SOX5: variants seen among roughly 807,000 people sequenced by gnomAD.
SOX5 encodes SRY-box transcription factor 5, also known as transcription factor SOX-5.
In SOX5, 9 loss-of-function variants were observed where a neutral mutation model predicts 92.0. That is an observed-to-expected ratio of 0.10 (90% CI 0.06 to 0.17). SOX5 has a LOEUF of 0.17. Ranked by LOEUF, SOX5 falls within the 10% of genes least tolerant of loss-of-function variation. The probability of loss-of-function intolerance (pLI) is 1.00; values close to 1 mark genes in which losing one functional copy is unlikely to be tolerated. For missense variants in SOX5, 642 were observed against 944.5 expected (o/e 0.68, Z 4.20); for synonymous variants, 344 against 336.3 (o/e 1.02, Z -0.25).
intron 1 of SOX5, among the ~76,000 whole-genome samples, chr12:24,521,473 A>T (rs1950257327): frequency 1.3e-5 from 2 of 152,260 alleles, no homozygotes; most frequent in African/African-American, 2.4e-5. Flanking sequence ...TAACAGACAT[A>T]GACGGAACTT....
intron 3 of SOX5, among the ~76,000 whole-genome samples, chr12:24,265,303 T>C (rs1280523508): frequency 6.6e-6 from 1 of 152,118 alleles, no homozygotes; most frequent in Non-Finnish European, 1.5e-5. Context: ...TCTTAACATT[T>C]TGGTAAGTTG....
intron 6 of SOX5, among the ~76,000 whole-genome samples, chr12:23,671,976 C>T (rs891093908): frequency 2.0e-5 from 3 of 151,882 alleles, no homozygotes; most frequent in African/African-American, 7.3e-5. Flanking sequence ...ATGAAAGTGA[C>T]TTTGCCAAGC....
At chr12:24,358,914 T>G (rs545097239) in intron 2 of SOX5, among the ~76,000 whole-genome samples, 50 of 152,356 alleles carry the variant, frequency 3.3e-4, no homozygotes, top group Admixed American at 2.5e-3. Flanking sequence ...ACATACATGC[T>G]TCTTCACTAA....
chr12:23,804,696 C>T (rs2095726121), intron 3 of SOX5, among the ~76,000 whole-genome samples: 1 of 151,678 alleles, frequency 6.6e-6, no homozygotes, highest in Admixed American at 6.6e-5. Flanking sequence ...TTCATCCCAA[C>T]TCAATCTCTC....
At chr12:24,290,010 T>C (rs912084863) in intron 2 of SOX5, among the ~76,000 whole-genome samples, 4 of 152,180 alleles carry the variant, frequency 2.6e-5, no homozygotes, top group African/African-American at 9.6e-5. Flanking sequence ...CAAACGCTAA[T>C]ACCTTGTCTA....
intron 9 of SOX5, chr12:23,584,564 A>G (rs1950460353): frequency 1.2e-6 from 2 of 1,610,760 alleles, no homozygotes; most frequent in Non-Finnish European, 1.7e-6. Context: ...CACAGCTCCT[A>G]TGGCACAAAT....
chr12:24,198,088 A>G (rs952097991), intron 4 of SOX5, among the ~76,000 whole-genome samples: 4 of 152,208 alleles, frequency 2.6e-5, no homozygotes, highest in East Asian at 1.9e-4. Context: ...ATTATTTATT[A>G]TTATTAATCT....
chr12:23,692,536 A>G (rs920950537), intron 6 of SOX5, among the ~76,000 whole-genome samples: 5 of 152,178 alleles, frequency 3.3e-5, no homozygotes, highest in African/African-American at 1.2e-4. Context: ...ACATTCTACA[A>G]CAGTTCCTGA....
At chr12:23,991,627 G>A (rs555974569) in intron 4 of SOX5, among the ~76,000 whole-genome samples, 2 of 151,978 alleles carry the variant, frequency 1.3e-5, no homozygotes, top group East Asian at 1.9e-4. Flanking sequence ...GAAATTTATA[G>A]TCAAGATTTT....
chr12:23,665,642 A>G lies in SOX5; in HGVS notation c.811-78T>C. The G allele has an allele frequency of 1.8e-5, 27 of 1,466,786 alleles. No homozygotes were observed. The South Asian group carries it at 3.6e-4, about 20-fold the overall frequency. The allele number at this position is 1,466,786 out of a possible 1,614,324, so 90.9% of individuals were successfully genotyped here. A position where few individuals can be genotyped will look rare whatever the true frequency, so the allele number is the denominator to read the frequency against. On this transcript the variant is annotated intron_variant, in intron 6 of 14. Coordinates refer to ENST00000451604, the MANE Select transcript of SOX5 (RefSeq NM_006940.6). Reference sequence around the variant, plus strand: ...TTCTTCCCACCCTCCTTATTTCATGATAAAAGAAAATCATTTATTCAATTC... The same window carrying G: ...TTCTTCCCACCCTCCTTATTTCATGGTAAAAGAAAATCATTTATTCAATTC...
At chr12:24,461,752 C>T (rs1328851141) in intron 1 of SOX5, among the ~76,000 whole-genome samples, 1 of 152,074 alleles carries the variant, frequency 6.6e-6, no homozygotes, top group African/African-American at 2.4e-5. Context: ...AAAATAAAAA[C>T]CTGTTGTTTT....
At chr12:24,395,634 A>G (rs1239570147) in intron 1 of SOX5, among the ~76,000 whole-genome samples, 18 of 152,240 alleles carry the variant, frequency 1.2e-4, no homozygotes, top group Admixed American at 1.2e-3. Flanking sequence ...ATGCAATATA[A>G]CATTCTCCTC....
At chr12:23,566,596 G>A (rs1050682816) in intron 10 of SOX5, among the ~76,000 whole-genome samples, 7 of 152,156 alleles carry the variant, frequency 4.6e-5, no homozygotes. Context: ...TTTTGGAGCT[G>A]GGCAAGCCCG....
intron 1 of SOX5, among the ~76,000 whole-genome samples, chr12:24,379,832 T>TA (rs35373420): frequency 0.56 from 78,613 of 140,254 alleles, 22,056 homozygotes; most frequent in Non-Finnish European, 0.61. Flanking sequence ...TTTACCACTT[T>TA]AAAAAAAAAA....
At chr12:24,494,676 G>A (rs1010653864) in intron 1 of SOX5, among the ~76,000 whole-genome samples, 2 of 152,052 alleles carry the variant, frequency 1.3e-5, no homozygotes, top group African/African-American at 4.8e-5. Context: ...AGAGTGTAAG[G>A]CATAACATTC....
chr12:24,506,784 C>CATTTTTTT (rs1390448641), intron 1 of SOX5, among the ~76,000 whole-genome samples: 4 of 81,760 alleles, frequency 4.9e-5, no homozygotes, highest in African/African-American at 1.9e-4. Context: ...TCCAAATGGT[C>CATTTTTTT]TTTTTTTTTT....
chr12:24,475,634 C>T (rs1242039614), intron 1 of SOX5, among the ~76,000 whole-genome samples: 1 of 152,142 alleles, frequency 6.6e-6, no homozygotes, highest in East Asian at 1.9e-4. Flanking sequence ...TCATAAAGTA[C>T]AGAAATTGAT....
chr12:24,534,436 T>G (rs572847875), intron 1 of SOX5, among the ~76,000 whole-genome samples: 1 of 152,280 alleles, frequency 6.6e-6, no homozygotes, highest in African/African-American at 2.4e-5. Flanking sequence ...CTAAAAGCAT[T>G]CTTTAAGAAA....
intron 2 of SOX5, among the ~76,000 whole-genome samples, chr12:24,309,043 T>G (rs989676079): frequency 6.6e-6 from 1 of 152,242 alleles, no homozygotes; most frequent in Non-Finnish European, 1.5e-5. Context: ...ACTGAATTCA[T>G]ACATCCCTCC....
Sources: gnomAD v4.1 joint callset for allele counts (sites outside exome capture counted in the v4.1 genomes callset) on GRCh38, gnomAD v4.1.1 for gene constraint, MANE v1.5 for transcripts, NCBI Gene and HGNC (gene_info 2026-07-23, HGNC 2026-07-21) for gene names.